The following RBFOX1 variants were observed in gnomAD, a reference collection of about 807,000 sequenced individuals.
RBFOX1 encodes the protein RNA binding protein fox-1 homolog 1.
A neutral mutation model predicts 57.7 loss-of-function variants in RBFOX1; 8 were observed. The ratio of observed to expected loss-of-function variants is 0.14; its 90% CI spans 0.08 to 0.25. The LOEUF (loss-of-function observed/expected upper bound fraction) is 0.25, where lower values mean the gene tolerates loss of function less well. RBFOX1 is among the 10% of genes least tolerant of loss of function. The probability of loss-of-function intolerance (pLI) is 1.00; values close to 1 mark genes in which losing one functional copy is unlikely to be tolerated. For missense variants in RBFOX1, 611 were observed against 548.5 expected (o/e 1.11, Z -1.14); for synonymous variants, 326 against 222.4 (o/e 1.47, Z -4.15).
chr16:5,734,506 A>T (rs1219425143), intron 3 of RBFOX1, among the ~76,000 whole-genome samples: 3 of 152,226 alleles, frequency 2.0e-5, no homozygotes. Context: ...ATTTCCTCTA[A>T]GCCCCATGGA....
intron 1 of RBFOX1, among the ~76,000 whole-genome samples, chr16:6,205,553 A>G (rs765403521): frequency 6.6e-6 from 1 of 152,116 alleles, no homozygotes; most frequent in Non-Finnish European, 1.5e-5. Flanking sequence ...CAGGCTCCAG[A>G]TTTATGGTTC....
chr16:7,105,203 G>C (rs538488089), intron 4 of RBFOX1, among the ~76,000 whole-genome samples: 24 of 151,914 alleles, frequency 1.6e-4, no homozygotes, highest in Admixed American at 9.8e-4. Flanking sequence ...CTTGGCAGTA[G>C]TCTATGGAGA....
chr16:6,560,934 A>T (rs2097171650), intron 2 of RBFOX1, among the ~76,000 whole-genome samples: 1 of 152,202 alleles, frequency 6.6e-6, no homozygotes. Context: ...GCTAGTTGGC[A>T]TTCATCCCTC....
At chr16:7,630,567 C>T (rs751297096) in intron 10 of RBFOX1, 36 bp from the exon 11 acceptor site, 32 of 1,612,942 alleles carry the variant, frequency 2.0e-5, no homozygotes, top group Non-Finnish European at 2.7e-5. Flanking sequence ...TGTACCGATT[C>T]CCAAACCAGA....
intron 3 of RBFOX1, among the ~76,000 whole-genome samples, chr16:5,830,772 C>A (rs116048512): frequency 2.0e-5 from 3 of 152,150 alleles, no homozygotes; most frequent in Admixed American, 6.5e-5. Flanking sequence ...CCACCATACC[C>A]TGTGGTTCTA....
intron 3 of RBFOX1, among the ~76,000 whole-genome samples, chr16:5,703,600 G>A (rs960473731): frequency 6.6e-6 from 1 of 152,190 alleles, no homozygotes; most frequent in South Asian, 2.1e-4. Flanking sequence ...GGTTAATGCA[G>A]AGACTCTGGA....
rs561502632 is a variant in RBFOX1, at chr16:6,987,629, T to A, written c.-15-64428T>A. Among the ~76,000 whole-genome samples, 52 of 152,252 alleles carry A rather than the reference T, an allele frequency of 3.4e-4. 2 individuals are homozygous for A. In the South Asian group the frequency reaches 3.7e-3, roughly 11 times the overall value. On this transcript the variant is annotated intron_variant, in intron 3 of 15. Transcript: ENST00000550418. ...TTCATAAATGGAATTTCCATTCCGTTGAAATATAGCTCATGACTGGGGCCT... is the reference window on the plus strand; with the variant it reads ...TTCATAAATGGAATTTCCATTCCGTAGAAATATAGCTCATGACTGGGGCCT...
intron 4 of RBFOX1, among the ~76,000 whole-genome samples, chr16:5,931,886 C>A (rs1382048164): frequency 6.6e-6 from 1 of 152,202 alleles, no homozygotes. Context: ...TAACTCACTG[C>A]AGCCTTGACC....
At chr16:6,409,299 A>T (rs963630587) in intron 2 of RBFOX1, among the ~76,000 whole-genome samples, 1 of 152,152 alleles carries the variant, frequency 6.6e-6, no homozygotes. Context: ...CGGTAATCCC[A>T]GTTACTCAGG....
chr16:5,883,445 A>G (rs908322301), intron 4 of RBFOX1, among the ~76,000 whole-genome samples: 2 of 152,104 alleles, frequency 1.3e-5, no homozygotes, highest in African/African-American at 4.8e-5. Flanking sequence ...ATAACTATTC[A>G]TCTCTTAGCA....
chr16:6,602,326 A>T (rs1281476266), intron 2 of RBFOX1, among the ~76,000 whole-genome samples: 1 of 152,138 alleles, frequency 6.6e-6, no homozygotes, highest in Non-Finnish European at 1.5e-5. Flanking sequence ...AATTCTGAAA[A>T]AGTCCGACGT....
At chr16:5,706,524 A>T (rs2051254490) in intron 3 of RBFOX1, among the ~76,000 whole-genome samples, 1 of 152,244 alleles carries the variant, frequency 6.6e-6, no homozygotes, top group African/African-American at 2.4e-5. Flanking sequence ...GTTAGTCATT[A>T]AAAATTTATC....
chr16:5,485,699 C>A (rs559704593), intron 2 of RBFOX1, among the ~76,000 whole-genome samples: 1 of 152,194 alleles, frequency 6.6e-6, no homozygotes, highest in African/African-American at 2.4e-5. Context: ...AGATTTTTAA[C>A]TAAGAGATTC....
intron 3 of RBFOX1, among the ~76,000 whole-genome samples, chr16:6,849,465 C>T (rs1274431547): frequency 3.3e-5 from 5 of 152,096 alleles, no homozygotes; most frequent in Admixed American, 6.5e-5. Context: ...GCCAGGGGTT[C>T]GAGACCAGCC....
At chr16:6,539,533 C>T (rs539792449) in intron 2 of RBFOX1, among the ~76,000 whole-genome samples, 1 of 152,206 alleles carries the variant, frequency 6.6e-6, no homozygotes, top group South Asian at 2.1e-4. Flanking sequence ...TGCAGTGGCT[C>T]ACACCTATAA....
intron 2 of RBFOX1, among the ~76,000 whole-genome samples, chr16:6,493,636 C>G (rs1324288806): frequency 2.0e-5 from 3 of 152,102 alleles, no homozygotes; most frequent in African/African-American, 4.8e-5. Context: ...TAACAAAACC[C>G]TTTATATAGC....
At chr16:6,872,060 C>A (rs998493299) in intron 3 of RBFOX1, among the ~76,000 whole-genome samples, 12 of 151,704 alleles carry the variant, frequency 7.9e-5, no homozygotes, top group Admixed American at 6.6e-4. Context: ...GAAAGCCTCT[C>A]AGTTACATAC....
chr16:6,266,941 G>A (rs1598985296), intron 1 of RBFOX1, among the ~76,000 whole-genome samples: 2 of 152,180 alleles, frequency 1.3e-5, no homozygotes, highest in Admixed American at 1.3e-4. Flanking sequence ...AGTGCCTTAT[G>A]ATTGGCATTC....
At chr16:6,433,425 T>C (rs1298559494) in intron 2 of RBFOX1, among the ~76,000 whole-genome samples, 1 of 152,218 alleles carries the variant, frequency 6.6e-6, no homozygotes, top group Non-Finnish European at 1.5e-5. Context: ...GCCCATCACC[T>C]TTCTCATGGG....
Sources: allele counts gnomAD v4.1 joint callset (sites outside exome capture counted in the v4.1 genomes callset), GRCh38; gene constraint gnomAD v4.1.1; transcripts MANE v1.5; gene names NCBI Gene and HGNC (gene_info 2026-07-23, HGNC 2026-07-21).